NAV2: variants seen among roughly 807,000 people sequenced by gnomAD.
The protein encoded by NAV2 is neuron navigator 2.
NAV2 carries 54 observed loss-of-function variants against 223.2 expected under a neutral mutation model. The observed-to-expected ratio is 0.24, with a 90% confidence interval of 0.19 to 0.30. The LOEUF is 0.30. Among genes scored for constraint, NAV2 ranks in the 10% least tolerant of loss-of-function variants. The probability of loss-of-function intolerance (pLI) is 1.00; values close to 1 mark genes in which losing one functional copy is unlikely to be tolerated. For missense variants in NAV2, 2,806 were observed against 3,147.5 expected, an observed-to-expected ratio of 0.89 and a Z score of 2.60; for synonymous variants, 1,279 against 1,239.3, an observed-to-expected ratio of 1.03 and a Z score of -0.67.
intron 1 of NAV2, among the ~76,000 whole-genome samples, chr11:19,624,511 G>T (rs1043005467): frequency 6.6e-6 from 1 of 152,202 alleles, no homozygotes. Context: ...AGACTGCTCT[G>T]CTAGCAGTGA....
At position 20,049,097 on chromosome 11, in the gene NAV2, C is replaced by T. The variant is rs2057731937; in HGVS notation, c.4272C>T (p.Pro1424=). 1 of 1,614,132 alleles carries T rather than the reference C, an allele frequency of 6.2e-7. No individual in the cohort carries two copies. Among genetic ancestry groups the T allele is most frequent in the East Asian group, 2.2e-5 (1 of 44,852 alleles). ...TCTCCCTCAGCAGTGGAGGGGTCCC[C>T]AGCCACAATTCTTCCACTGGCCTCA... ...IDISLSSGGV[P]SHNSSTGLIA... The change falls in exon 15 of 38, where the codon CCC becomes CCT. Residue 1424 remains proline, a synonymous_variant. Coordinates refer to ENST00000349880, the MANE Select transcript of NAV2 (RefSeq NM_145117.5).
chr11:19,538,524 T>TG (rs201326110), intron 1 of NAV2, among the ~76,000 whole-genome samples: 11,252 of 151,700 alleles, frequency 0.074, 1,426 homozygotes, highest in African/African-American at 0.26. Context: ...TTTTTGTTTT[T>TG]TTTTTTTCTG....
chr11:19,351,495 A>T (rs189631857), intron 1 of NAV2, among the ~76,000 whole-genome samples: 2 of 152,290 alleles, frequency 1.3e-5, no homozygotes, highest in African/African-American at 4.8e-5. Flanking sequence ...CCTATCTGTG[A>T]GAATGTCACA....
At position 19,776,608 on chromosome 11, in the gene NAV2, GGTTAGAGTTGTGGGGGTCAGAAAA is replaced by G. The variant is rs1485430227; in HGVS notation, c.268-55875_268-55852del. 1.3e-3 allele frequency among the ~76,000 whole-genome samples: 142 copies of G among 106,122 alleles called. 1 individual carries two copies. Among genetic ancestry groups the G allele is most frequent in the African/African-American group, 3.2e-3 (96 of 30,176 alleles). 69.6% of individuals were successfully genotyped at this position (106,122 alleles called of 152,430 possible). A position where few individuals can be genotyped will look rare whatever the true frequency, so the allele number is the denominator to read the frequency against. On this transcript the variant is annotated intron_variant, in intron 1 of 37. Coordinates refer to ENST00000349880, the MANE Select transcript of NAV2 (RefSeq NM_145117.5). ...TGTGTGTGTGTGTGTGTGTGTGTGT[GGTTAGAGTTGTGGGGGTCAGAAAA>G]TGTGTGTGTGTGTGTGTGTGTGTGT...
chr11:19,981,092 A>G (rs1016134506), intron 10 of NAV2: 2 of 152,150 alleles, frequency 1.3e-5, no homozygotes, highest in African/African-American at 4.8e-5. Flanking sequence ...TTGAAACTAG[A>G]TCATTGTCAG....
chr11:20,075,200 A>G (rs7121979), intron 22 of NAV2, among the ~76,000 whole-genome samples: 50,044 of 149,762 alleles, frequency 0.33, 9,039 homozygotes, highest in African/African-American at 0.48. Flanking sequence ...CACTGTCTCC[A>G]TGTTTTTTGT....
chr11:19,859,891 G>A (rs1333291849), intron 3 of NAV2, among the ~76,000 whole-genome samples: 46 of 130,596 alleles, frequency 3.5e-4, no homozygotes, highest in African/African-American at 1.2e-3. Flanking sequence ...CCTCCCTCCC[G>A]GACGGGGCGG....
chr11:19,883,033 ATCTT>A (rs766302550), intron 5 of NAV2, among the ~76,000 whole-genome samples: 53 of 152,216 alleles, frequency 3.5e-4, no homozygotes, highest in Non-Finnish European at 7.2e-4. Flanking sequence ...TCCAAATTCT[ATCTT>A]TGATAACCAA....
At chr11:19,709,168 C>T (rs1009035387), upstream of NAV2, among the ~76,000 whole-genome samples, 12 of 148,690 alleles carry the variant, frequency 8.1e-5, no homozygotes, top group African/African-American at 2.7e-4. Context: ...AAATAGCTTC[C>T]CCCCGCCCCA....
At chr11:19,459,573 A>C (rs1852082303) in intron 1 of NAV2, among the ~76,000 whole-genome samples, 1 of 152,204 alleles carries the variant, frequency 6.6e-6, no homozygotes, top group South Asian at 2.1e-4. Context: ...AGAAGAGCTA[A>C]AGGGTGGCAG....
chr11:19,984,349 C>G, intron 11 of NAV2, 102 bp downstream of exon 11: 7 of 1,546,648 alleles, frequency 4.5e-6, no homozygotes, highest in Non-Finnish European at 6.2e-6. Context: ...GAGACTTGAA[C>G]CCACAGAGAG....
chr11:19,600,047 A>G (rs1454076193), intron 1 of NAV2, among the ~76,000 whole-genome samples: 3 of 152,134 alleles, frequency 2.0e-5, no homozygotes, highest in Admixed American at 2.0e-4. Context: ...GGGAGTGGGG[A>G]GTGAGACAGC....
chr11:19,387,713 T>C (rs1446200633), intron 1 of NAV2, among the ~76,000 whole-genome samples: 1 of 152,204 alleles, frequency 6.6e-6, no homozygotes, highest in African/African-American at 2.4e-5. Flanking sequence ...TGGTTAAAAC[T>C]GGTTCAGAGG....
At chr11:19,711,509 A>C (rs80164309), upstream of NAV2, 1 of 152,026 alleles carries the variant, frequency 6.6e-6, no homozygotes, top group Non-Finnish European at 1.5e-5. Flanking sequence ...TGACCTTATT[A>C]CCTCCTAAAG....
At chr11:19,923,514 AT>A (rs2044462719) in intron 6 of NAV2, among the ~76,000 whole-genome samples, 1 of 152,178 alleles carries the variant, frequency 6.6e-6, no homozygotes, top group South Asian at 2.1e-4. Context: ...TTTAACACTG[AT>A]TTGGAGGCTC....
intron 1 of NAV2, among the ~76,000 whole-genome samples, chr11:19,445,751 ATT>A (rs11312196): frequency 0.033 from 4,423 of 134,890 alleles, 66 homozygotes; most frequent in South Asian, 0.044. Context: ...TGGGCCTCTG[ATT>A]TTTTTTTTTT....
chr11:20,053,678 TG>T (rs896550502), intron 17 of NAV2, among the ~76,000 whole-genome samples: 3 of 152,262 alleles, frequency 2.0e-5, no homozygotes, highest in African/African-American at 7.2e-5. Flanking sequence ...TGTTGTAGAA[TG>T]GCAGATGCCA....
chr11:19,486,192 G>A (rs1306885453), intron 1 of NAV2, among the ~76,000 whole-genome samples: 1 of 152,174 alleles, frequency 6.6e-6, no homozygotes, highest in Non-Finnish European at 1.5e-5. Context: ...GTGGGTGGTA[G>A]CAGAGTAGCT....
intron 1 of NAV2, among the ~76,000 whole-genome samples, chr11:19,546,674 A>G (rs2044507923): frequency 6.6e-6 from 1 of 152,196 alleles, no homozygotes. Context: ...GGAATGTAAG[A>G]AGAGATTTTA....
Sources: gnomAD v4.1 joint callset for allele counts (sites outside exome capture counted in the v4.1 genomes callset) on GRCh38, gnomAD v4.1.1 for gene constraint, MANE v1.5 for transcripts, NCBI Gene and HGNC (gene_info 2026-07-23, HGNC 2026-07-21) for gene names.